The following ZEB1 variants were observed in gnomAD, a reference collection of about 807,000 sequenced individuals.
ZEB1 encodes the protein zinc finger E-box-binding homeobox 1.
ZEB1 carries 21 observed loss-of-function variants against 84.9 expected under a neutral mutation model. That is an observed-to-expected ratio of 0.25 (90% CI 0.18 to 0.36). The LOEUF (loss-of-function observed/expected upper bound fraction) is 0.36. Among genes scored for constraint, ZEB1 ranks in the 10% least tolerant of loss-of-function variants. ZEB1 has a pLI of 1.00. For missense variants in ZEB1, 1,104 were observed against 1,330.2 expected (o/e 0.83, Z 2.65); for synonymous variants, 420 against 471.1 (o/e 0.89, Z 1.41).
At chr10:31,409,987 T>A (rs1180260096) in intron 1 of ZEB1, among the ~76,000 whole-genome samples, 1 of 152,206 alleles carries the variant, frequency 6.6e-6, no homozygotes, top group Non-Finnish European at 1.5e-5. Flanking sequence ...TCTTCCTATT[T>A]GAATACCTTT....
At chr10:31,321,335 C>T in intron 1 of ZEB1, 2 of 1,444,418 alleles carry the variant, frequency 1.4e-6, no homozygotes, top group East Asian at 4.8e-5. Context: ...TTTAATTATT[C>T]AAATAAACAC....
intron 2 of ZEB1, among the ~76,000 whole-genome samples, chr10:31,489,987 G>A (rs370483196): frequency 1.2e-3 from 183 of 151,560 alleles, no homozygotes; most frequent in African/African-American, 4.3e-3. Context: ...ATTTTGAGCT[G>A]ACAGATATTT....
At chr10:31,506,057 A>T (rs1320884589) in intron 4 of ZEB1, among the ~76,000 whole-genome samples, 1 of 151,748 alleles carries the variant, frequency 6.6e-6, no homozygotes, top group African/African-American at 2.4e-5. Flanking sequence ...TTTAATTTTC[A>T]TGTGTGTGTA....
At chr10:31,375,087 A>T (rs1276446040) in intron 1 of ZEB1, 2 of 141,004 alleles carry the variant, frequency 1.4e-5, no homozygotes, top group East Asian at 4.1e-4. Context: ...ACACACACAC[A>T]CACAGAGAAG....
chr10:31,320,473 C>T (rs1224130566), intron 1 of ZEB1: 5 of 64,996 alleles, frequency 7.7e-5, no homozygotes, highest in African/African-American at 3.1e-4. Flanking sequence ...CTCTGGGTCT[C>T]GGGTGGAAGG....
At chr10:31,490,978 ACCACCCAGGGT>A (rs1217078579) in intron 2 of ZEB1, among the ~76,000 whole-genome samples, 1 of 151,708 alleles carries the variant, frequency 6.6e-6, no homozygotes. Flanking sequence ...TCCTTCATGT[ACCACCCAGGGT>A]CCAATCTAGA....
intron 1 of ZEB1, chr10:31,363,042 C>G (rs769030135): frequency 6.5e-7 from 1 of 1,533,712 alleles, no homozygotes; most frequent in Non-Finnish European, 8.7e-7. Flanking sequence ...GGGGAGGGGT[C>G]GGTTGCAGCT....
intron 1 of ZEB1, among the ~76,000 whole-genome samples, chr10:31,340,731 G>A (rs1253362105): frequency 6.6e-6 from 1 of 152,108 alleles, no homozygotes; most frequent in Non-Finnish European, 1.5e-5. Context: ...ATAATACAGA[G>A]AAATGGAAAG....
chr10:31,486,330 A>G (rs905219506), intron 2 of ZEB1, among the ~76,000 whole-genome samples: 1 of 151,790 alleles, frequency 6.6e-6, no homozygotes, highest in African/African-American at 2.4e-5. Context: ...TGGTTGTACC[A>G]TCCCACCAGT....
At chr10:31,419,508 G>T (rs1172788290) in intron 1 of ZEB1, among the ~76,000 whole-genome samples, 2 of 152,054 alleles carry the variant, frequency 1.3e-5, no homozygotes, top group Non-Finnish European at 2.9e-5. Flanking sequence ...GTGAGTATGG[G>T]GACATCAGTT....
At chr10:31,345,716 G>C (rs902962818) in intron 1 of ZEB1, among the ~76,000 whole-genome samples, 4 of 152,134 alleles carry the variant, frequency 2.6e-5, no homozygotes, top group Admixed American at 2.6e-4. Flanking sequence ...TTCATTTATA[G>C]AGATCATCTT....
rs1405690338 is a variant in ZEB1 at position 31,521,938 on chromosome 10, T to TA, written c.2604+8dup. Reference sequence around the variant, plus strand: ...GTGATCCAGCCAAATGGAAATCAGGTAAAAAATAACCTCCATCCTGAACCT... The same window carrying TA: ...GTGATCCAGCCAAATGGAAATCAGGTAAAAAAATAACCTCCATCCTGAACCT... On this transcript the variant is annotated splice_region_variant and intron_variant, in intron 7 of 8. Coordinates refer to ENST00000424869, the MANE Select transcript of ZEB1 (RefSeq NM_001174096.2). 1.2e-6 allele frequency: 2 copies of TA among 1,613,960 alleles called. No individual in the cohort carries two copies. The highest frequency in any genetic ancestry group is 1.3e-5 in the African/African-American group (1 of 75,018).
intron 6 of ZEB1, among the ~76,000 whole-genome samples, chr10:31,517,385 A>G (rs377296627): frequency 2.0e-5 from 3 of 152,148 alleles, no homozygotes; most frequent in South Asian, 2.1e-4. Flanking sequence ...ATTAGAGACA[A>G]AAGAACACCT....
At chr10:31,376,017 A>C (rs960941090) in intron 1 of ZEB1, among the ~76,000 whole-genome samples, 5 of 151,692 alleles carry the variant, frequency 3.3e-5, no homozygotes, top group Non-Finnish European at 7.4e-5. Flanking sequence ...AATATGTAAA[A>C]CTTTATGTGC....
chr10:31,395,001 G>T (rs1189740892), intron 1 of ZEB1, among the ~76,000 whole-genome samples: 1 of 152,132 alleles, frequency 6.6e-6, no homozygotes, highest in African/African-American at 2.4e-5. Context: ...TAATGGCAGT[G>T]CCCTTCATTA....
chr10:31,410,171 G>C (rs2053967036), intron 1 of ZEB1, among the ~76,000 whole-genome samples: 1 of 152,178 alleles, frequency 6.6e-6, no homozygotes, highest in Admixed American at 6.5e-5. Flanking sequence ...TTACTGTTTT[G>C]AGTTACGTTC....
Position 31,527,502 on chromosome 10 carries a change from A to G in ZEB1, c.*238A>G, listed in dbSNP as rs565384481. The G allele has an allele frequency of 2.4e-5, 13 of 538,978 alleles. No homozygotes were observed. In the South Asian group the frequency reaches 2.9e-4, roughly 12 times the overall value. 33.4% of individuals were successfully genotyped at this position (538,978 alleles called of 1,614,324 possible). The stretch of plus-strand genomic sequence containing the variant: ...CCTCAGACCTAGTAATTTTTCATGC[A>G]GTTTTCAAAGTTAGGAACAAGTTTG... On this transcript the variant is annotated 3_prime_UTR_variant, in exon 9 of 9. Transcript: ENST00000424869.
chr10:31,384,406 C>T lies in ZEB1; in HGVS notation c.58+65114C>T, dbSNP rs192901510. On this transcript the variant is annotated intron_variant, in intron 1 of 8. Coordinates refer to ENST00000424869, the MANE Select transcript of ZEB1 (RefSeq NM_001174096.2). ...ACAGCCATGTGATATTTGTGTCATT[C>T]AGGCACATCACCTGTCTCCCCGGTT... 6.4e-3 allele frequency among the ~76,000 whole-genome samples: 974 copies of T among 152,296 alleles called. 7 individuals are homozygous for T. Among genetic ancestry groups the T allele is most frequent in the Non-Finnish European group, 9.4e-3 (637 of 68,012 alleles).
chr10:31,510,462 G>T (rs1471940318), intron 4 of ZEB1, among the ~76,000 whole-genome samples: 1 of 152,128 alleles, frequency 6.6e-6, no homozygotes, highest in Non-Finnish European at 1.5e-5. Flanking sequence ...TCATTTTCTG[G>T]CTCTGTGACT....
Sources: gnomAD v4.1 joint callset for allele counts (sites outside exome capture counted in the v4.1 genomes callset) on GRCh38, gnomAD v4.1.1 for gene constraint, MANE v1.5 for transcripts, NCBI Gene and HGNC (gene_info 2026-07-23, HGNC 2026-07-21) for gene names.